CREG2: variants seen among roughly 807,000 people sequenced by gnomAD.
CREG2 encodes the protein cellular repressor of E1A stimulated genes 2.
CREG2 carries 24 observed loss-of-function variants against 26.2 expected under a neutral mutation model. That is an observed-to-expected ratio of 0.92 (90% confidence interval 0.66 to 1.29). The LOEUF (loss-of-function observed/expected upper bound fraction) is 1.29, where lower values mean the gene tolerates loss of function less well. CREG2 is among the 50% of genes most tolerant of loss of function. The pLI, the probability that CREG2 is intolerant of heterozygous loss-of-function variation, is 0.00. For missense variants in CREG2, 366 were observed against 398.6 expected (o/e 0.92, Z 0.70); for synonymous variants, 174 against 169.2 (o/e 1.03, Z -0.22).
intron 2 of CREG2, among the ~76,000 whole-genome samples, chr2:101,369,592 C>G (rs1458260667): frequency 3.9e-5 from 6 of 152,166 alleles, no homozygotes; most frequent in Admixed American, 6.5e-5. Flanking sequence ...AAGAGCTTCT[C>G]TCTCCCACCA....
chr2:101,360,750 A>G (rs966138037), intron 2 of CREG2, among the ~76,000 whole-genome samples: 22 of 152,208 alleles, frequency 1.4e-4, no homozygotes, highest in African/African-American at 4.3e-4. Context: ...AAAAAAAAAA[A>G]AAAGAAAGAA....
rs919080544 is a variant in CREG2 at position 101,352,606 on chromosome 2, G to C, written c.726-1536C>G. ...GAGGATCACATGAGGCCACGAGTTC[G>C]AGACCAGCCTGGACAACATGGCAAA... On this transcript the variant is annotated intron_variant, in intron 3 of 3. Transcript: ENST00000324768. Among the ~76,000 whole-genome samples the C allele has an allele frequency of 3.3e-5, 5 of 152,298 alleles. No individual in the cohort carries two copies. In the South Asian group the frequency reaches 1.0e-3, roughly 32 times the overall value.
At chr2:101,373,185 A>G (rs1158036262) in intron 2 of CREG2, among the ~76,000 whole-genome samples, 2 of 152,236 alleles carry the variant, frequency 1.3e-5, no homozygotes, top group Non-Finnish European at 2.9e-5. Flanking sequence ...CACTTATGAG[A>G]GCCAAAACAT....
intron 2 of CREG2, among the ~76,000 whole-genome samples, chr2:101,370,550 A>G (rs1466574385): frequency 6.6e-6 from 1 of 152,210 alleles, no homozygotes; most frequent in Non-Finnish European, 1.5e-5. Context: ...TGATCCTCAA[A>G]TTAGAAGCCC....
At chr2:101,355,230 T>C in intron 3 of CREG2, 23 bp downstream of exon 3, 2 of 1,446,984 alleles carry the variant, frequency 1.4e-6, no homozygotes, top group Non-Finnish European at 9.7e-7. Context: ...TCTGGGCATA[T>C]AAATTTTAAA....
chr2:101,346,855 C>T lies in CREG2; in HGVS notation c.*4068G>A, dbSNP rs1166309010. 4 of 152,196 alleles carry T rather than the reference C, an allele frequency of 2.6e-5. No homozygotes were observed. Among genetic ancestry groups the T allele is most frequent in the Non-Finnish European group, 5.9e-5 (4 of 68,028 alleles). 9.4% of individuals were successfully genotyped at this position (152,196 alleles called of 1,614,324 possible). ...CTTTTTACCCAGTTTTCCCCAATGGCACATCTTGCTAAACTACAGTACAAT... is the reference window on the plus strand; with the variant it reads ...CTTTTTACCCAGTTTTCCCCAATGGTACATCTTGCTAAACTACAGTACAAT... On this transcript the variant is annotated 3_prime_UTR_variant, in exon 4 of 4. Coordinates refer to ENST00000324768, the MANE Select transcript of CREG2 (RefSeq NM_153836.4).
intron 3 of CREG2, among the ~76,000 whole-genome samples, chr2:101,352,407 G>T (rs571379664): frequency 5.3e-4 from 81 of 152,200 alleles, no homozygotes; most frequent in Non-Finnish European, 1.0e-3. Context: ...ATACCTGGAA[G>T]TGGTGCTGGT....
At chr2:101,370,440 C>T (rs1035282291) in intron 2 of CREG2, among the ~76,000 whole-genome samples, 1 of 152,122 alleles carries the variant, frequency 6.6e-6, no homozygotes, top group African/African-American at 2.4e-5. Flanking sequence ...ACCTAGGGTA[C>T]TATTATTCCC....
chr2:101,348,181 C>T lies in CREG2; in HGVS notation c.*2742G>A, dbSNP rs945280444. The T allele has an allele frequency of 6.6e-6, 1 of 152,176 alleles. No individual in the cohort carries two copies. 9.4% of individuals were successfully genotyped at this position (152,176 alleles called of 1,614,324 possible). On this transcript the variant is annotated 3_prime_UTR_variant, in exon 4 of 4. Coordinates refer to ENST00000324768, the MANE Select transcript of CREG2 (RefSeq NM_153836.4). ...TGTGTTTCTATGCCTCCACCAAATA[C>T]CACACTTCTTGAATACTGTAGCTAC...
At chr2:101,373,664 A>G (rs533257709) in intron 2 of CREG2, among the ~76,000 whole-genome samples, 1 of 152,242 alleles carries the variant, frequency 6.6e-6, no homozygotes, top group African/African-American at 2.4e-5. Context: ...AACTACAATC[A>G]TTAGTGAATT....
In CREG2 at chr2:101,387,467, A is replaced by AG. The variant is rs1464546718; in HGVS notation, c.-11dup. 1.8e-4 allele frequency: 193 copies of AG among 1,070,392 alleles called. No homozygotes were observed. Among genetic ancestry groups the AG allele is most frequent in the Middle Eastern group, 1.1e-3 (3 of 2,856 alleles). The allele number at this position is 1,070,392 out of a possible 1,614,324, so 66.3% of individuals were successfully genotyped here. On this transcript the variant is annotated 5_prime_UTR_variant, in exon 1 of 4. Transcript: ENST00000324768. This position sits in a 1 kb window ranked among gnomAD's most constrained non-coding sequence, Gnocchi z 4.7. ...CGCGGCGCACGGACATCTTGCAGGC[A>AG]GCACGCCCGGCCGCCGGGGCCGCCA... is the stretch of plus-strand genomic sequence containing the variant.
At position 101,349,864 on chromosome 2, in the gene CREG2, G is replaced by A. The variant is rs1322540225; in HGVS notation, c.*1059C>T. On this transcript the variant is annotated 3_prime_UTR_variant, in exon 4 of 4. Transcript: ENST00000324768. ...CATGCATTTCAATAACTCTTTTGTT[G>A]TTAAAACTGGATGTCTTGTAGGAAC... 6.6e-6 allele frequency: 1 copy of A among 151,248 alleles called. No homozygotes were observed. Among genetic ancestry groups the A allele is most frequent in the Non-Finnish European group, 1.5e-5 (1 of 67,910 alleles). The allele number at this position is 151,248 out of a possible 1,614,324, so 9.4% of individuals were successfully genotyped here.
rs368036172 is a variant in CREG2, at chr2:101,350,893, G to A, written c.*30C>T. On this transcript the variant is annotated 3_prime_UTR_variant, in exon 4 of 4. Transcript: ENST00000324768. ...TCACTGAAAAGGTTTTCATTTAAGTGCAAACACCAAGGACTTTCTTCTCAC... is the reference window on the plus strand; with the variant it reads ...TCACTGAAAAGGTTTTCATTTAAGTACAAACACCAAGGACTTTCTTCTCAC... 153 of 1,611,474 alleles carry A rather than the reference G, an allele frequency of 9.5e-5. 2 individuals carry two copies. In the South Asian group the frequency reaches 1.4e-3, roughly 15 times the overall value.
chr2:101,356,753 A>C (rs915786695), intron 2 of CREG2, among the ~76,000 whole-genome samples: 2 of 152,168 alleles, frequency 1.3e-5, no homozygotes, highest in Non-Finnish European at 2.9e-5. Context: ...CAAAAAGCAT[A>C]TTAGAAATAA....
At chr2:101,384,226 T>C (rs1684928599) in intron 1 of CREG2, among the ~76,000 whole-genome samples, 1 of 152,238 alleles carries the variant, frequency 6.6e-6, no homozygotes, top group Non-Finnish European at 1.5e-5. Context: ...TGCATCACTT[T>C]CTCATTTATT....
At chr2:101,378,163 C>T (rs938017071) in intron 2 of CREG2, among the ~76,000 whole-genome samples, 2 of 152,194 alleles carry the variant, frequency 1.3e-5, no homozygotes, top group African/African-American at 4.8e-5. Flanking sequence ...ATTCTGTTGT[C>T]TGCTTCTATG....
In CREG2 at chr2:101,349,808, C is replaced by T. The variant is rs1047126456; in HGVS notation, c.*1115G>A. 2.0e-5 allele frequency: 3 copies of T among 151,838 alleles called. No individual in the cohort carries two copies. The highest frequency in any genetic ancestry group is 6.6e-5 in the Admixed American group (1 of 15,224). 9.4% of individuals were successfully genotyped at this position (151,838 alleles called of 1,614,324 possible). Reference sequence around the variant, plus strand: ...AGCTAGTCCTTCTTTTTTACAATCACTTTACTGATTTTCCTGGTTCAATTT... The same window carrying T: ...AGCTAGTCCTTCTTTTTTACAATCATTTTACTGATTTTCCTGGTTCAATTT... On this transcript the variant is annotated 3_prime_UTR_variant, in exon 4 of 4. Transcript: ENST00000324768.
chr2:101,363,848 T>C (rs1454775193), intron 2 of CREG2, among the ~76,000 whole-genome samples: 1 of 111,876 alleles, frequency 8.9e-6, no homozygotes, highest in Non-Finnish European at 1.9e-5. Flanking sequence ...AGACCCTGTC[T>C]CAAACACACA....
chr2:101,382,790 A>G, intron 2 of CREG2: 5 of 985,172 alleles, frequency 5.1e-6, no homozygotes, highest in African/African-American at 1.7e-5. Context: ...AAGCATCACT[A>G]CATTTAGGTG....
Sources: allele counts gnomAD v4.1 joint callset (sites outside exome capture counted in the v4.1 genomes callset), GRCh38; gene constraint gnomAD v4.1.1; non-coding constraint Gnocchi (gnomAD v3.1); transcripts MANE v1.5; gene names NCBI Gene and HGNC (gene_info 2026-07-23, HGNC 2026-07-21).